Variants in ZNF26 observed in about 807,000 individuals in gnomAD.
ZNF26 encodes the protein epididymis luminal protein 179.
A neutral mutation model predicts 54.9 loss-of-function variants in ZNF26; 32 were observed. The observed-to-expected ratio is 0.58, with a 90% confidence interval of 0.44 to 0.78. The LOEUF (loss-of-function observed/expected upper bound fraction) is 0.78. ZNF26 is among the 30% of genes least tolerant of loss of function. ZNF26 has a pLI of 0.00. For synonymous variants in ZNF26, 221 were observed against 209.2 expected, an observed-to-expected ratio of 1.06 and a Z score of -0.49; for missense variants, 524 against 634.0, an observed-to-expected ratio of 0.83 and a Z score of 1.86.
intron 1 of ZNF26, chr12:132,987,602 A>G (rs929579392): frequency 4.7e-6 from 3 of 636,570 alleles, no homozygotes; most frequent in South Asian, 7.0e-5. Context: ...TAGGAATGCT[A>G]TTGGAAGAGG....
intron 1 of ZNF26, chr12:133,004,432 T>C (rs1420078714): frequency 2.0e-5 from 3 of 152,226 alleles, no homozygotes; most frequent in Non-Finnish European, 4.4e-5. Context: ...GTGCTCACCG[T>C]TGTATCCAGC....
intron 1 of ZNF26, among the ~76,000 whole-genome samples, chr12:133,003,412 G>A (rs1382117453): frequency 6.6e-6 from 1 of 151,902 alleles, no homozygotes; most frequent in African/African-American, 2.4e-5. Context: ...CCGCCACCAC[G>A]CCTGGCTAAT....
chr12:133,011,178 A>G lies in ZNF26; in HGVS notation c.1299A>G (p.Arg433=). The G allele has an allele frequency of 6.2e-7, 1 of 1,614,178 alleles. No individual in the cohort carries two copies. Among genetic ancestry groups the G allele is most frequent in the Admixed American group, 1.7e-5 (1 of 60,014 alleles). Reference sequence around the variant, plus strand: ...CCTATGAATGTAGTTTGTGTGAGAGAGCCTTTTGTGGAAAATCACAGCTGA... The same window carrying G: ...CCTATGAATGTAGTTTGTGTGAGAGGGCCTTTTGTGGAAAATCACAGCTGA... The part of the protein sequence containing the change: ...ERPYECSLCE[R]AFCGKSQLII... The change falls in exon 4 of 4, where the codon AGA becomes AGG. Residue 433 remains arginine (R), a synonymous_variant. Coordinates refer to ENST00000328654, the MANE Select transcript of ZNF26 (RefSeq NM_019591.4).
intron 1 of ZNF26, chr12:133,006,094 C>T (rs1953318082): frequency 1.0e-6 from 1 of 985,170 alleles, no homozygotes; most frequent in South Asian, 4.7e-5. Context: ...ACAGAAACTC[C>T]ATTTCTGAAT....
Position 133,007,175 on chromosome 12 carries a change from A to T in ZNF26, c.160+7A>T. 1.2e-6 allele frequency: 2 copies of T among 1,613,332 alleles called. No homozygotes were observed. Among genetic ancestry groups the T allele is most frequent in the Non-Finnish European group, 1.7e-6 (2 of 1,179,300 alleles). The stretch of plus-strand genomic sequence containing the variant: ...CATAACCTGATATCAGTGGGTAAGT[A>T]CTGCGTCTCAATGTTACTCAGATAG... On this transcript the variant is annotated splice_region_variant and intron_variant, in intron 2 of 3. Transcript: ENST00000328654.
chr12:133,003,091 GTTCCCAAAGCT>G (rs1953253604), intron 1 of ZNF26, among the ~76,000 whole-genome samples: 1 of 152,050 alleles, frequency 6.6e-6, no homozygotes, highest in Non-Finnish European at 1.5e-5. Flanking sequence ...CAGGATGACT[GTTCCCAAAGCT>G]TTTGGGGCTT....
chr12:132,986,882 A>T lies in ZNF26; in HGVS notation c.33+9A>T. 1 of 1,604,698 alleles carries T rather than the reference A, an allele frequency of 6.2e-7. No individual in the cohort carries two copies. Among genetic ancestry groups the T allele is most frequent in the Non-Finnish European group, 8.5e-7 (1 of 1,175,616 alleles). On this transcript the variant is annotated intron_variant, in intron 1 of 3. Coordinates refer to ENST00000328654, the MANE Select transcript of ZNF26 (RefSeq NM_019591.4). Reference sequence around the variant, plus strand: ...GGACAGCTTCGTGCTGGGTAAGTAGAGACTTTCCGTGTTTAAAATTCGACT... The same window carrying T: ...GGACAGCTTCGTGCTGGGTAAGTAGTGACTTTCCGTGTTTAAAATTCGACT...
Position 133,011,069 on chromosome 12 carries a change from C to A in ZNF26, c.1190C>A (p.Pro397His). Reference protein sequence around the residue: ...AHLRAHAGEKPYGCSECGKAF... With the variant: ...AHLRAHAGEKHYGCSECGKAF... ...CTGAGAGCTCATGCAGGAGAGAAGC[C>A]CTATGGATGCAGTGAATGTGGGAAG... The change falls in exon 4 of 4, where the codon CCC becomes CAC. Residue 397 changes from proline (P) to histidine (H), a missense_variant. Transcript: ENST00000328654. The A allele has an allele frequency of 6.2e-7, 1 of 1,614,030 alleles. No homozygotes were observed. Among genetic ancestry groups the A allele is most frequent in the Non-Finnish European group, 8.5e-7 (1 of 1,179,998 alleles).
In ZNF26 at chr12:133,025,650, A is replaced by C. The variant is rs970321930; in HGVS notation, c.*14169A>C. On this transcript the variant is annotated 3_prime_UTR_variant, in exon 4 of 4. Coordinates refer to ENST00000328654, the MANE Select transcript of ZNF26 (RefSeq NM_019591.4). ...AATTTGCCTGTAGCCAACAGAATGC[A>C]GCAGAAATAGGCCAGGTGCAGTGGC... 1.1e-4 allele frequency: 17 copies of C among 152,318 alleles called. No homozygotes were observed. The highest frequency in any genetic ancestry group is 3.9e-4 in the African/African-American group (16 of 41,470). The allele number at this position is 152,318 out of a possible 1,614,324, so 9.4% of individuals were successfully genotyped here. A position where few individuals can be genotyped will look rare whatever the true frequency, so the allele number is the denominator to read the frequency against.
In ZNF26 at chr12:133,020,107, CA is replaced by C. The variant is rs35099871; in HGVS notation, c.*8636del. Reference sequence around the variant, plus strand: ...TAAAGCTCCATCTCAAAAAACAAAACAAAAAAAAAATCAGAGCCCATCAACA... The same window carrying C: ...TAAAGCTCCATCTCAAAAAACAAAACAAAAAAAAATCAGAGCCCATCAACA... On this transcript the variant is annotated 3_prime_UTR_variant, in exon 4 of 4. Transcript: ENST00000328654. 0.93 allele frequency: 140,503 copies of C among 151,388 alleles called. 65,392 individuals carry two copies. Among genetic ancestry groups the C allele is most frequent in the East Asian group, 1 (5,132 of 5,142 alleles). The allele number at this position is 151,388 out of a possible 1,614,324, so 9.4% of individuals were successfully genotyped here.
rs1164659514 is a variant in ZNF26, at chr12:133,014,159, A to G, written c.*2678A>G. On this transcript the variant is annotated 3_prime_UTR_variant, in exon 4 of 4. Coordinates refer to ENST00000328654, the MANE Select transcript of ZNF26 (RefSeq NM_019591.4). Reference sequence around the variant, plus strand: ...GATGGGATTGCTCATTTAGGAAAATATGTAGAATTCATAGAGCATTGCAGG... The same window carrying G: ...GATGGGATTGCTCATTTAGGAAAATGTGTAGAATTCATAGAGCATTGCAGG... 1 of 152,268 alleles carries G rather than the reference A, an allele frequency of 6.6e-6. No individual in the cohort carries two copies. Among genetic ancestry groups the G allele is most frequent in the Non-Finnish European group, 1.5e-5 (1 of 68,068 alleles). The allele number at this position is 152,268 out of a possible 1,614,324, so 9.4% of individuals were successfully genotyped here.
intron 1 of ZNF26, among the ~76,000 whole-genome samples, chr12:133,000,646 G>A (rs1274598213): frequency 3.9e-5 from 6 of 151,922 alleles, no homozygotes; most frequent in African/African-American, 9.7e-5. Context: ...GGATGGTCTC[G>A]ATCTCCTGAC....
chr12:133,005,482 T>G (rs1416441230), intron 1 of ZNF26: 1 of 152,330 alleles, frequency 6.6e-6, no homozygotes, highest in African/African-American at 2.4e-5. Context: ...ATTACAGGCA[T>G]GAGCCACCAC....
Position 132,997,179 on chromosome 12 carries a change from G to T in ZNF26, c.34-9863G>T, listed in dbSNP as rs960542149. ...AATAGATGAACTGGAAATCTTAGAG[G>T]CCTTCCCAGAACAGGGGCTAATCAG... On this transcript the variant is annotated intron_variant, in intron 1 of 3. Transcript: ENST00000328654. Among the ~76,000 whole-genome samples the T allele has an allele frequency of 3.3e-5, 5 of 152,352 alleles. No homozygotes were observed. The South Asian group carries it at 1.0e-3, about 32-fold the overall frequency.
chr12:133,000,928 G>C (rs1004606962), intron 1 of ZNF26, among the ~76,000 whole-genome samples: 1 of 151,972 alleles, frequency 6.6e-6, no homozygotes, highest in East Asian at 1.9e-4. Flanking sequence ...AAGCCTCCTG[G>C]TCTACCCGCT....
At position 133,026,107 on chromosome 12, in the gene ZNF26, C is replaced by CT. The variant is rs112566574; in HGVS notation, c.*14640dup. 0.012 allele frequency: 1,731 copies of CT among 144,916 alleles called. 14 individuals carry two copies. Among genetic ancestry groups the CT allele is most frequent in the African/African-American group, 0.026 (1,015 of 39,774 alleles). 9.0% of individuals were successfully genotyped at this position (144,916 alleles called of 1,614,324 possible). ...GGAAACTATTAGATATAATAAGTCA[C>CT]TTTTTTTTTTTTTTGAGATGCACTC... On this transcript the variant is annotated 3_prime_UTR_variant, in exon 4 of 4. Coordinates refer to ENST00000328654, the MANE Select transcript of ZNF26 (RefSeq NM_019591.4).
intron 1 of ZNF26, among the ~76,000 whole-genome samples, chr12:132,992,853 C>A (rs1281605473): frequency 7.0e-6 from 1 of 143,474 alleles, no homozygotes; most frequent in Non-Finnish European, 1.5e-5. Context: ...GGCTGTCCAT[C>A]TTGGATATTC....
At chr12:133,005,516 T>C (rs1953306745) in intron 1 of ZNF26, 1 of 152,344 alleles carries the variant, frequency 6.6e-6, no homozygotes, top group South Asian at 2.1e-4. Flanking sequence ...TATTTTGTAG[T>C]CTAGCTCTTA....
In ZNF26 at chr12:133,013,317, G is replaced by T. The variant is rs988506423; in HGVS notation, c.*1836G>T. 1 of 152,218 alleles carries T rather than the reference G, an allele frequency of 6.6e-6. No homozygotes were observed. Among genetic ancestry groups the T allele is most frequent in the Non-Finnish European group, 1.5e-5 (1 of 68,054 alleles). The allele number at this position is 152,218 out of a possible 1,614,324, so 9.4% of individuals were successfully genotyped here. A position where few individuals can be genotyped will look rare whatever the true frequency, so the allele number is the denominator to read the frequency against. ...TACAGCTGTAGGAGTGAGGTGGTGG[G>T]AATCAAATAGTATATTTGGCTTGGT... On this transcript the variant is annotated 3_prime_UTR_variant, in exon 4 of 4. Coordinates refer to ENST00000328654, the MANE Select transcript of ZNF26 (RefSeq NM_019591.4).
Sources: allele counts gnomAD v4.1 joint callset (sites outside exome capture counted in the v4.1 genomes callset), GRCh38; gene constraint gnomAD v4.1.1; transcripts MANE v1.5; gene names NCBI Gene and HGNC (gene_info 2026-07-23, HGNC 2026-07-21).